The following CSMD1 variants were observed in gnomAD, a reference collection of about 807,000 sequenced individuals.
CSMD1 encodes the protein CUB and sushi domain-containing protein 1.
A neutral mutation model predicts 417.5 loss-of-function variants in CSMD1; 213 were observed. That is an observed-to-expected ratio of 0.51 (90% confidence interval 0.46 to 0.57). CSMD1 has a LOEUF of 0.57. Ranked by LOEUF, CSMD1 falls within the 20% of genes least tolerant of loss-of-function variation. CSMD1 has a pLI of 0.00. For synonymous variants in CSMD1, 2,862 were observed against 1,736.8 expected (o/e 1.65, Z -16.11); for missense variants, 6,923 against 4,529.7 (o/e 1.53, Z -15.17).
chr8:3,609,881 C>T (rs1244166224), intron 8 of CSMD1, among the ~76,000 whole-genome samples: 10 of 114,778 alleles, frequency 8.7e-5, no homozygotes, highest in South Asian at 3.2e-4. Flanking sequence ...TGAAGTGGTG[C>T]GATCTCGGCT....
chr8:3,201,214 G>T (rs752003077), intron 32 of CSMD1, among the ~76,000 whole-genome samples: 1 of 152,122 alleles, frequency 6.6e-6, no homozygotes, highest in Non-Finnish European at 1.5e-5. Flanking sequence ...CTATTAATGG[G>T]TCTCTCTATG....
chr8:3,928,344 C>G (rs997868061), intron 5 of CSMD1, among the ~76,000 whole-genome samples: 1 of 151,454 alleles, frequency 6.6e-6, no homozygotes, highest in Non-Finnish European at 1.5e-5. Context: ...GAGTGGTAAA[C>G]AAATGATATA....
At chr8:4,682,635 T>A (rs1291601149) in intron 1 of CSMD1, among the ~76,000 whole-genome samples, 1 of 152,064 alleles carries the variant, frequency 6.6e-6, no homozygotes, top group African/African-American at 2.4e-5. Flanking sequence ...AGGTATTTAT[T>A]TGTAATTTTG....
intron 3 of CSMD1, among the ~76,000 whole-genome samples, chr8:4,326,563 C>A (rs1005451823): frequency 6.6e-6 from 1 of 152,126 alleles, no homozygotes. Flanking sequence ...GGAAAGTGAA[C>A]GTTAGAAGCA....
intron 3 of CSMD1, among the ~76,000 whole-genome samples, chr8:4,390,497 T>TTTTTTAATTTATTTATTTATTTATTTA (rs58291340): frequency 7.1e-6 from 1 of 140,324 alleles, no homozygotes; most frequent in Non-Finnish European, 1.5e-5. Context: ...AAGCGTCCAT[T>TTTTTTAATTTATTTATTTATTTATTTA]TTTATTTATT....
At chr8:4,160,870 C>T (rs114325668) in intron 3 of CSMD1, among the ~76,000 whole-genome samples, 1,534 of 152,280 alleles carry the variant, frequency 0.01, 25 homozygotes, top group African/African-American at 0.035. Flanking sequence ...AGGAGAAATT[C>T]TAAAAAGGAC....
intron 54 of CSMD1, among the ~76,000 whole-genome samples, chr8:2,988,113 T>C (rs1035189453): frequency 6.6e-6 from 1 of 152,214 alleles, no homozygotes; most frequent in African/African-American, 2.4e-5. Context: ...AAAATTTTAC[T>C]ATTTTAACAT....
At chr8:4,312,547 G>C (rs1383815796) in intron 3 of CSMD1, among the ~76,000 whole-genome samples, 4 of 150,892 alleles carry the variant, frequency 2.7e-5, no homozygotes, top group Non-Finnish European at 5.9e-5. Context: ...GAAATTGAAA[G>C]GGCTCACAGT....
At chr8:3,272,869 G>A (rs544972397) in intron 26 of CSMD1, among the ~76,000 whole-genome samples, 34 of 150,286 alleles carry the variant, frequency 2.3e-4, no homozygotes, top group South Asian at 4.2e-4. Flanking sequence ...CAATCATGTC[G>A]TCTGCAAACA....
chr8:3,057,755 T>C (rs1484569270), intron 49 of CSMD1, among the ~76,000 whole-genome samples: 1 of 152,226 alleles, frequency 6.6e-6, no homozygotes, highest in East Asian at 1.9e-4. Flanking sequence ...GACTTTCTCA[T>C]CCCATTACTA....
chr8:3,321,852 T>C (rs886212864), intron 23 of CSMD1, among the ~76,000 whole-genome samples: 1 of 152,176 alleles, frequency 6.6e-6, no homozygotes, highest in Non-Finnish European at 1.5e-5. Flanking sequence ...ACTTTCTGAT[T>C]TGTACAAAAT....
intron 7 of CSMD1, among the ~76,000 whole-genome samples, chr8:3,652,684 G>A (rs1388123851): frequency 6.6e-6 from 1 of 152,122 alleles, no homozygotes; most frequent in Non-Finnish European, 1.5e-5. Flanking sequence ...AACAGTATGG[G>A]GGAAACTGCC....
intron 5 of CSMD1, among the ~76,000 whole-genome samples, chr8:3,844,532 T>C (rs144202517): frequency 3.9e-5 from 6 of 152,150 alleles, no homozygotes; most frequent in South Asian, 4.1e-4. Context: ...TTTAGCAGAA[T>C]TGTCACAGAG....
chr8:3,853,682 G>A lies in CSMD1; in HGVS notation c.819-99640C>T, dbSNP rs574913047. On this transcript the variant is annotated intron_variant, in intron 5 of 69. Coordinates refer to ENST00000635120, the MANE Select transcript of CSMD1 (RefSeq NM_033225.6). ...ATCTTCCCTAGTGTAGAAGGTGGCA[G>A]TGTGCAGTTGGATAAGCCTCAGTAA... Among the ~76,000 whole-genome samples, 7 of 152,058 alleles carry A rather than the reference G, an allele frequency of 4.6e-5. No homozygotes were observed. The South Asian group carries it at 1.5e-3, about 32-fold the overall frequency.
At chr8:4,899,045 A>C (rs1804690276) in intron 1 of CSMD1, among the ~76,000 whole-genome samples, 1 of 152,218 alleles carries the variant, frequency 6.6e-6, no homozygotes, top group Admixed American at 6.5e-5. Flanking sequence ...CTTTGGGGAC[A>C]GCTTGATCAT....
intron 3 of CSMD1, among the ~76,000 whole-genome samples, chr8:4,115,317 TA>T (rs1459412734): frequency 6.6e-6 from 1 of 152,186 alleles, no homozygotes; most frequent in Non-Finnish European, 1.5e-5. Context: ...ATTTTAAAAT[TA>T]AGGTATGTAC....
At chr8:3,384,961 AAT>A (rs56162094) in intron 18 of CSMD1, among the ~76,000 whole-genome samples, 53,884 of 115,336 alleles carry the variant, frequency 0.47, 12,849 homozygotes, top group Middle Eastern at 0.56. Flanking sequence ...TATAATATAT[AAT>A]ATATATGCAT....
intron 2 of CSMD1, among the ~76,000 whole-genome samples, chr8:4,581,981 A>G (rs1585283011): frequency 6.6e-6 from 1 of 152,220 alleles, no homozygotes; most frequent in South Asian, 2.1e-4. Flanking sequence ...AAGACAAACG[A>G]CGATGGCTAA....
At chr8:4,069,247 T>G (rs1799419044) in intron 3 of CSMD1, among the ~76,000 whole-genome samples, 1 of 152,172 alleles carries the variant, frequency 6.6e-6, no homozygotes, top group African/African-American at 2.4e-5. Context: ...ATCAAAAATT[T>G]TGGTAAAGAT....
Sources: allele counts gnomAD v4.1 joint callset (sites outside exome capture counted in the v4.1 genomes callset), GRCh38; gene constraint gnomAD v4.1.1; transcripts MANE v1.5; gene names NCBI Gene and HGNC (gene_info 2026-07-23, HGNC 2026-07-21).